The following CHD9 variants were observed in gnomAD, a reference collection of about 807,000 sequenced individuals.
The protein encoded by CHD9 is ATP-dependent chromatin remodeler CHD9.
Under a neutral mutation model 316.1 loss-of-function variants are expected in CHD9, and 77 were observed. The ratio of observed to expected loss-of-function variants is 0.24; its 90% confidence interval spans 0.20 to 0.29. CHD9 has a LOEUF of 0.29. CHD9 is among the 10% of genes least tolerant of loss of function. CHD9 has a pLI of 1.00. For synonymous variants in CHD9, 1,129 were observed against 1,158.3 expected (o/e 0.97, Z 0.51); for missense variants, 2,763 against 3,438.1 (o/e 0.80, Z 4.91).
rs577813820 is a variant in CHD9 at position 53,230,523 on chromosome 16, C to T, written c.2287-896C>T. On this transcript the variant is annotated intron_variant, in intron 8 of 38. Transcript: ENST00000447540. ...GGATGCTGGGAGGTCCTCTCATCAC[C>T]TTAAATATCTGTCATCTCTTCACTA... is the stretch of plus-strand genomic sequence containing the variant. 2.6e-5 allele frequency among the ~76,000 whole-genome samples: 4 copies of T among 152,194 alleles called. No homozygotes were observed. The South Asian group carries it at 8.3e-4, about 32-fold the overall frequency.
chr16:53,126,312 T>A (rs934800251), intron 1 of CHD9, among the ~76,000 whole-genome samples: 1 of 152,184 alleles, frequency 6.6e-6, no homozygotes, highest in African/African-American at 2.4e-5. Context: ...TCTTTCCCAA[T>A]CTAAATGTCT....
At chr16:53,296,144 T>C (rs2054764443) in intron 29 of CHD9, among the ~76,000 whole-genome samples, 1 of 152,218 alleles carries the variant, frequency 6.6e-6, no homozygotes, top group South Asian at 2.1e-4. Context: ...CCTTTCTTGA[T>C]TGTCAAGTCT....
At chr16:53,144,773 C>A (rs2040428447) in intron 1 of CHD9, among the ~76,000 whole-genome samples, 1 of 152,104 alleles carries the variant, frequency 6.6e-6, no homozygotes, top group Non-Finnish European at 1.5e-5. Context: ...ATTCGCCCAC[C>A]TCAGCCTCCC....
chr16:53,280,014 CA>C (rs2053249475), intron 24 of CHD9, among the ~76,000 whole-genome samples: 1 of 152,098 alleles, frequency 6.6e-6, no homozygotes, highest in African/African-American at 2.4e-5. Context: ...ATCAAAAAAT[CA>C]AAAAATAATA....
intron 34 of CHD9, among the ~76,000 whole-genome samples, chr16:53,310,453 A>G (rs747585377): frequency 1.1e-4 from 17 of 152,178 alleles, no homozygotes; most frequent in African/African-American, 4.1e-4. Flanking sequence ...AGTGAGATTG[A>G]TACTTCTATT....
chr16:53,090,448 C>T (rs1007999125), intron 1 of CHD9, among the ~76,000 whole-genome samples: 1 of 152,142 alleles, frequency 6.6e-6, no homozygotes, highest in Admixed American at 6.5e-5. Context: ...AGCAGGAAAA[C>T]ATGTGAGTGT....
In CHD9 at chr16:53,156,850, G is replaced by A. The variant is rs571704208; in HGVS notation, c.761G>A (p.Gly254Glu). 6.2e-7 allele frequency: 1 copy of A among 1,613,588 alleles called. No homozygotes were observed. The highest frequency in any genetic ancestry group is 2.2e-5 in the East Asian group (1 of 44,858). Residue 254 changes from glycine to glutamate, a missense_variant, in exon 2 of 39, where the codon GGA becomes GAA. This residue lies in a region of CHD9 where 859 missense variants were observed against 890.4 expected (regional missense o/e 0.96). Transcript: ENST00000447540. ...CSSHQEGNFN[G>E]PSPNMTSCSV... ...AGTCATCAAGAAGGAAATTTTAATG[G>A]ACCTTCCCCAAATATGACTTCTTGT...
At chr16:53,140,651 G>A (rs1050733272) in intron 1 of CHD9, among the ~76,000 whole-genome samples, 19 of 152,198 alleles carry the variant, frequency 1.2e-4, no homozygotes, top group African/African-American at 4.1e-4. Context: ...CAGTAGCATC[G>A]ATCGTAGCTC....
At chr16:53,098,246 C>A (rs547218427) in intron 1 of CHD9, among the ~76,000 whole-genome samples, 1 of 150,198 alleles carries the variant, frequency 6.7e-6, no homozygotes, top group Non-Finnish European at 1.5e-5. Flanking sequence ...GAGGCCGAGG[C>A]GGGTGGATCA....
rs1029234170 is a variant in CHD9, at chr16:53,096,256, T to A, written c.-165+41179T>A. On this transcript the variant is annotated intron_variant, in intron 1 of 38. Coordinates refer to ENST00000447540, the MANE Select transcript of CHD9 (RefSeq NM_001308319.2). ...AGGATTTAATGAAGCACAGAATGCT[T>A]GCAAAGCCTTTCCCAGTTAGGACCA... Among the ~76,000 whole-genome samples, 4 of 152,162 alleles carry A rather than the reference T, an allele frequency of 2.6e-5. 1 individual carries two copies. Among genetic ancestry groups the A allele is most frequent in the East Asian group, 3.9e-4 (2 of 5,172 alleles).
intron 5 of CHD9, chr16:53,227,050 C>T (rs2047720828): frequency 4.4e-6 from 1 of 226,930 alleles, no homozygotes; most frequent in African/African-American, 2.4e-5. Context: ...TAGCTGAGTA[C>T]CTTGGGCAAG....
intron 1 of CHD9, among the ~76,000 whole-genome samples, chr16:53,089,179 G>C (rs1242630573): frequency 6.6e-6 from 1 of 151,948 alleles, no homozygotes; most frequent in Non-Finnish European, 1.5e-5. Context: ...CCAGTTACTT[G>C]AGAGGCTGAG....
intron 3 of CHD9, among the ~76,000 whole-genome samples, chr16:53,212,994 A>G (rs928865778): frequency 9.9e-5 from 15 of 152,236 alleles, no homozygotes; most frequent in Non-Finnish European, 2.9e-5. Flanking sequence ...AGCCAAGGCC[A>G]GGAGCCACAC....
At chr16:53,144,356 A>G (rs534302849) in intron 1 of CHD9, among the ~76,000 whole-genome samples, 3 of 152,286 alleles carry the variant, frequency 2.0e-5, no homozygotes, top group African/African-American at 7.2e-5. Context: ...ATATGTTATC[A>G]CATATTCAGT....
At position 53,247,103 on chromosome 16, in the gene CHD9, A is replaced by G. The variant is rs150980011; in HGVS notation, c.3455-190A>G. ...GTTTAAGACCTTGTCTGTGTCCTCA[A>G]TGGAATTACAGTCTGGTATTGGTGG... is the stretch of plus-strand genomic sequence containing the variant. On this transcript the variant is annotated intron_variant, in intron 15 of 38. Coordinates refer to ENST00000447540, the MANE Select transcript of CHD9 (RefSeq NM_001308319.2). Among the ~76,000 whole-genome samples the G allele has an allele frequency of 4.0e-3, 613 of 152,352 alleles. 9 individuals carry two copies. The highest frequency in any genetic ancestry group is 0.014 in the African/African-American group (587 of 41,588).
intron 1 of CHD9, among the ~76,000 whole-genome samples, chr16:53,093,338 G>A (rs1223300716): frequency 2.0e-5 from 3 of 152,162 alleles, no homozygotes; most frequent in Non-Finnish European, 4.4e-5. Flanking sequence ...CATTTATTGG[G>A]TTGTTGTAAA....
chr16:53,163,827 T>C (rs1226092048), intron 2 of CHD9, among the ~76,000 whole-genome samples: 1 of 152,170 alleles, frequency 6.6e-6, no homozygotes, highest in African/African-American at 2.4e-5. Context: ...TAATAAAAAA[T>C]TAGAATAGGT....
chr16:53,209,027 C>T (rs2046116862), intron 2 of CHD9, among the ~76,000 whole-genome samples: 1 of 151,810 alleles, frequency 6.6e-6, no homozygotes, highest in Admixed American at 6.6e-5. Flanking sequence ...AGGTTGTAGT[C>T]GTAAAGCAGA....
chr16:53,274,872 A>G (rs929671625), intron 24 of CHD9, among the ~76,000 whole-genome samples: 3 of 152,282 alleles, frequency 2.0e-5, no homozygotes, highest in Middle Eastern at 3.4e-3. Flanking sequence ...CATGAAACTT[A>G]AGGAATTAAC....
Sources: gnomAD v4.1 joint callset for allele counts (sites outside exome capture counted in the v4.1 genomes callset) on GRCh38, gnomAD v4.1.1 for gene constraint, gnomAD v4.1.1 regional missense constraint, MANE v1.5 for transcripts, NCBI Gene and HGNC (gene_info 2026-07-23, HGNC 2026-07-21) for gene names.